Variants in DCDC2 observed in about 807,000 individuals in gnomAD.
The protein encoded by DCDC2 is doublecortin domain containing 2, also known as doublecortin domain-containing protein 2.
Under a neutral mutation model 50.2 loss-of-function variants are expected in DCDC2, and 40 were observed. The observed-to-expected ratio is 0.80, with a 90% confidence interval of 0.62 to 1.04. The LOEUF is 1.04. Ranked by LOEUF, DCDC2 falls within the 50% of genes least tolerant of loss-of-function variation. DCDC2 has a pLI of 0.00. For synonymous variants in DCDC2, 234 were observed against 210.6 expected (o/e 1.11, Z -0.96); for missense variants, 570 against 581.9 (o/e 0.98, Z 0.21).
At chr6:24,375,697 T>C in the DCDC2 span, among the ~76,000 whole-genome samples, 21 of 152,308 alleles carry the variant, frequency 1.4e-4, no homozygotes, top group Non-Finnish European at 2.8e-4. Context: ...ATAGCACTCA[T>C]CACTCTACAA....
At chr6:24,339,572 A>C (rs896816465) in intron 2 of DCDC2, among the ~76,000 whole-genome samples, 5 of 152,184 alleles carry the variant, frequency 3.3e-5, no homozygotes, top group African/African-American at 9.7e-5. Flanking sequence ...AGAAGGCTTA[A>C]AATAATAGCA....
chr6:24,369,549 G>A, the DCDC2 span, among the ~76,000 whole-genome samples: 1 of 151,894 alleles, frequency 6.6e-6, no homozygotes, highest in African/African-American at 2.4e-5. Context: ...GGTGGAGGTT[G>A]CAGTGAGCCG....
chr6:24,200,164 A>G (rs1414737384), intron 8 of DCDC2, among the ~76,000 whole-genome samples: 3 of 152,180 alleles, frequency 2.0e-5, no homozygotes, highest in African/African-American at 7.2e-5. Context: ...AGAGAACACC[A>G]CAAAGATGAT....
chr6:24,359,482 ATATATAATATATTATATATATTT>A (rs1240283441), upstream of DCDC2, among the ~76,000 whole-genome samples: 36 of 6,782 alleles, frequency 5.3e-3, no homozygotes, highest in African/African-American at 8.2e-3. Flanking sequence ...TATATATTTT[ATATATAATATATTATATATATTT>A]TATATATTAT....
At chr6:24,342,334 A>G (rs1056941892) in intron 2 of DCDC2, among the ~76,000 whole-genome samples, 3 of 152,230 alleles carry the variant, frequency 2.0e-5, no homozygotes, top group African/African-American at 7.2e-5. Flanking sequence ...ATTGACTGTA[A>G]GTCAGAAAAT....
intron 7 of DCDC2, among the ~76,000 whole-genome samples, chr6:24,220,044 A>G (rs1762064346): frequency 6.6e-6 from 1 of 152,218 alleles, no homozygotes; most frequent in Non-Finnish European, 1.5e-5. Flanking sequence ...ATGACAAAAG[A>G]GAAGGAAAGT....
At chr6:24,220,770 T>A (rs1429558481) in intron 7 of DCDC2, among the ~76,000 whole-genome samples, 2 of 136,290 alleles carry the variant, frequency 1.5e-5, no homozygotes, top group East Asian at 4.4e-4. Flanking sequence ...TACTCAGAGG[T>A]CTGCACAGCT....
At chr6:24,365,185 G>A in the DCDC2 span, among the ~76,000 whole-genome samples, 2 of 152,180 alleles carry the variant, frequency 1.3e-5, no homozygotes, top group African/African-American at 2.4e-5. Context: ...ACTATAAGGG[G>A]TATCATCCTT....
chr6:24,241,472 G>A (rs9393539), intron 7 of DCDC2, among the ~76,000 whole-genome samples: 3,288 of 152,144 alleles, frequency 0.022, 145 homozygotes, highest in East Asian at 0.19. Context: ...TTTTAACAAA[G>A]AATTAAAAAT....
At chr6:24,291,746 A>G (rs931178666) in intron 4 of DCDC2, among the ~76,000 whole-genome samples, 24 of 152,058 alleles carry the variant, frequency 1.6e-4, no homozygotes, top group African/African-American at 3.9e-4. Flanking sequence ...CGGCCTCCCA[A>G]AGTGCTGGGA....
intron 8 of DCDC2, among the ~76,000 whole-genome samples, chr6:24,192,390 C>G (rs555269567): frequency 7.9e-4 from 119 of 151,422 alleles, no homozygotes; most frequent in Non-Finnish European, 9.9e-4. Context: ...CCTCCCCTAC[C>G]TATGCACACA....
At chr6:24,316,651 CTG>C (rs1759673623) in intron 2 of DCDC2, among the ~76,000 whole-genome samples, 1 of 152,024 alleles carries the variant, frequency 6.6e-6, no homozygotes, top group African/African-American at 2.4e-5. Flanking sequence ...TTTCAAAACT[CTG>C]TAGAATTAGG....
At chr6:24,211,290 T>C (rs1761863624) in intron 7 of DCDC2, among the ~76,000 whole-genome samples, 1 of 152,178 alleles carries the variant, frequency 6.6e-6, no homozygotes, top group South Asian at 2.1e-4. Flanking sequence ...CTTGGCAGTA[T>C]AGCATTTGGA....
At chr6:24,309,648 A>G (rs1759537441) in intron 2 of DCDC2, among the ~76,000 whole-genome samples, 1 of 152,234 alleles carries the variant, frequency 6.6e-6, no homozygotes, top group Non-Finnish European at 1.5e-5. Flanking sequence ...AAAAGACAAG[A>G]AAGAACAAAA....
At chr6:24,244,481 G>A (rs370157778) in intron 7 of DCDC2, among the ~76,000 whole-genome samples, 3 of 152,206 alleles carry the variant, frequency 2.0e-5, no homozygotes, top group African/African-American at 7.2e-5. Context: ...TGGGGCCTAA[G>A]ACTCTCCTTC....
chr6:24,307,219 C>T (rs961837451), intron 2 of DCDC2, among the ~76,000 whole-genome samples: 7 of 152,190 alleles, frequency 4.6e-5, no homozygotes, highest in East Asian at 1.9e-4. Context: ...GCACTCACCA[C>T]GTCTTGAAAA....
chr6:24,314,865 T>C (rs965760003), intron 2 of DCDC2, among the ~76,000 whole-genome samples: 2 of 152,144 alleles, frequency 1.3e-5, no homozygotes, highest in Admixed American at 6.6e-5. Context: ...CTAACTTGCA[T>C]TGTTCTAGGT....
At chr6:24,344,857 G>A (rs1760227356) in intron 2 of DCDC2, among the ~76,000 whole-genome samples, 1 of 152,184 alleles carries the variant, frequency 6.6e-6, no homozygotes, top group South Asian at 2.1e-4. Context: ...TCACTGATGT[G>A]AACTGGCTTT....
the DCDC2 span, among the ~76,000 whole-genome samples, chr6:24,371,159 C>T: frequency 6.6e-6 from 1 of 151,548 alleles, no homozygotes. Context: ...TGCCTGCAAT[C>T]CCACCTACTC....
Sources: gnomAD v4.1 joint callset for allele counts (sites outside exome capture counted in the v4.1 genomes callset) on GRCh38, gnomAD v4.1.1 for gene constraint, MANE v1.5 for transcripts, NCBI Gene and HGNC (gene_info 2026-07-23, HGNC 2026-07-21) for gene names.